The following PRKCE variants were observed in gnomAD, a reference collection of about 807,000 sequenced individuals.
The protein encoded by PRKCE is protein kinase C epsilon, also known as protein kinase C epsilon type.
Under a neutral mutation model 85.4 loss-of-function variants are expected in PRKCE, and 16 were observed. The ratio of observed to expected loss-of-function variants is 0.19; its 90% CI spans 0.13 to 0.28. PRKCE has a LOEUF of 0.28. Ranked by LOEUF, PRKCE falls within the 10% of genes least tolerant of loss-of-function variation. The pLI, the probability that PRKCE is intolerant of heterozygous loss-of-function variation, is 1.00. For synonymous variants in PRKCE, 388 were observed against 371.5 expected (o/e 1.04, Z -0.51); for missense variants, 573 against 975.2 (o/e 0.59, Z 5.49).
chr2:46,184,261 G>A lies in PRKCE; in HGVS notation c.2068-474G>A, dbSNP rs959526728. ...TAAGTGGAAATCGAGGCAGGCTTGT[G>A]GAGAGGATGTCACCTGGAGCAGATG... is the stretch of plus-strand genomic sequence containing the variant. On this transcript the variant is annotated intron_variant, in intron 14 of 14. Coordinates refer to ENST00000306156, the MANE Select transcript of PRKCE (RefSeq NM_005400.3). The surrounding 1 kb of genome is among the most constrained non-coding windows in gnomAD (Gnocchi z 5.0). 1.3e-5 allele frequency among the ~76,000 whole-genome samples: 2 copies of A among 152,160 alleles called. No homozygotes were observed. Among genetic ancestry groups the A allele is most frequent in the African/African-American group, 4.8e-5 (2 of 41,410 alleles).
At chr2:46,123,296 T>C (rs10211649) in intron 11 of PRKCE, among the ~76,000 whole-genome samples, 3,030 of 128,916 alleles carry the variant, frequency 0.024, 107 homozygotes, top group African/African-American at 0.075. Flanking sequence ...GCAAAGCACA[T>C]GCTTTAATAT....
intron 10 of PRKCE, among the ~76,000 whole-genome samples, chr2:46,029,121 G>A (rs1183437699): frequency 2.6e-5 from 4 of 152,098 alleles, no homozygotes; most frequent in African/African-American, 4.8e-5. Context: ...ATGTTCTTAT[G>A]GCACTTACTA....
intron 2 of PRKCE, among the ~76,000 whole-genome samples, chr2:45,884,451 C>T (rs1695095746): frequency 6.6e-6 from 1 of 152,162 alleles, no homozygotes; most frequent in Non-Finnish European, 1.5e-5. Context: ...TTCTGCAATC[C>T]TTGTGGTCTT....
At chr2:46,007,017 T>G (rs143666497) in intron 8 of PRKCE, among the ~76,000 whole-genome samples, 71 of 152,356 alleles carry the variant, frequency 4.7e-4, no homozygotes, top group African/African-American at 1.7e-3. Context: ...GTTGTTGAAA[T>G]AATTATATCA....
chr2:45,734,681 G>A (rs1051092860), intron 1 of PRKCE, among the ~76,000 whole-genome samples: 11 of 152,226 alleles, frequency 7.2e-5, no homozygotes, highest in African/African-American at 2.7e-4. Flanking sequence ...GAGCCTGAGT[G>A]TAGGGGTGGA....
At chr2:45,735,950 T>C (rs1385075207) in intron 1 of PRKCE, among the ~76,000 whole-genome samples, 1 of 152,206 alleles carries the variant, frequency 6.6e-6, no homozygotes, top group Non-Finnish European at 1.5e-5. Flanking sequence ...TTTTTTACCA[T>C]CTGACATACA....
chr2:45,912,155 G>A (rs1253856208), intron 2 of PRKCE, among the ~76,000 whole-genome samples: 3 of 152,088 alleles, frequency 2.0e-5, no homozygotes, highest in Non-Finnish European at 2.9e-5. Context: ...TACCAGGAAC[G>A]ATGGCAACCA....
At chr2:46,147,286 A>G (rs968714851) in intron 12 of PRKCE, among the ~76,000 whole-genome samples, 1 of 152,162 alleles carries the variant, frequency 6.6e-6, no homozygotes, top group Non-Finnish European at 1.5e-5. Context: ...TTCATTCTTC[A>G]TTGTCAGAAT....
intron 1 of PRKCE, among the ~76,000 whole-genome samples, chr2:45,816,462 T>G (rs573682069): frequency 6.6e-6 from 1 of 152,298 alleles, no homozygotes; most frequent in South Asian, 2.1e-4. Flanking sequence ...GTGGATAACT[T>G]GGCACCTCAC....
chr2:45,693,735 G>T (rs1012255739), intron 1 of PRKCE, among the ~76,000 whole-genome samples: 1 of 152,172 alleles, frequency 6.6e-6, no homozygotes, highest in African/African-American at 2.4e-5. Context: ...GGCAGTCGGG[G>T]TGGACCGTCA....
chr2:46,035,223 C>G (rs544219388), intron 10 of PRKCE, among the ~76,000 whole-genome samples: 1 of 152,360 alleles, frequency 6.6e-6, no homozygotes, highest in African/African-American at 2.4e-5. Context: ...GCTCATGACA[C>G]CACACTTCAG....
At chr2:45,760,327 G>A (rs923133947) in intron 1 of PRKCE, among the ~76,000 whole-genome samples, 6 of 152,168 alleles carry the variant, frequency 3.9e-5, no homozygotes, top group African/African-American at 1.4e-4. Context: ...ACTGGATTTG[G>A]TTTTGCACTT....
chr2:45,796,696 G>A (rs912363645), intron 1 of PRKCE, among the ~76,000 whole-genome samples: 9 of 152,172 alleles, frequency 5.9e-5, no homozygotes, highest in African/African-American at 2.2e-4. Context: ...AAACAAGGGT[G>A]AGCCATCATT....
At chr2:45,767,802 T>C (rs1685029948) in intron 1 of PRKCE, among the ~76,000 whole-genome samples, 1 of 152,258 alleles carries the variant, frequency 6.6e-6, no homozygotes, top group Non-Finnish European at 1.5e-5. Context: ...TAGGGCTTTA[T>C]TTTAGGAATT....
intron 1 of PRKCE, among the ~76,000 whole-genome samples, chr2:45,737,236 C>G (rs773156431): frequency 8.5e-5 from 13 of 152,194 alleles, no homozygotes; most frequent in African/African-American, 3.1e-4. Context: ...AGCGAGCGAG[C>G]AAGCATGAAT....
In PRKCE at chr2:46,145,861, C is replaced by T. The variant is rs186423788; in HGVS notation, c.1731+630C>T. Among the ~76,000 whole-genome samples, 1 of 152,160 alleles carries T rather than the reference C, an allele frequency of 6.6e-6. No individual in the cohort carries two copies. Among genetic ancestry groups the T allele is most frequent in the Admixed American group, 6.5e-5 (1 of 15,294 alleles). On this transcript the variant is annotated intron_variant, in intron 12 of 14. Coordinates refer to ENST00000306156, the MANE Select transcript of PRKCE (RefSeq NM_005400.3). The surrounding 1 kb of genome is among the most constrained non-coding windows in gnomAD (Gnocchi z 4.6). ...CCAGCCTGGGTGACAGAGCAAGACC[C>T]TGTCTCAATAAAAAAAAAAGTAAAA...
chr2:45,718,004 C>G (rs528729130), intron 1 of PRKCE, among the ~76,000 whole-genome samples: 1 of 152,170 alleles, frequency 6.6e-6, no homozygotes, highest in African/African-American at 2.4e-5. Context: ...TATAAGAATC[C>G]TTGTAGATAC....
chr2:45,899,574 G>C (rs1696418458), intron 2 of PRKCE, among the ~76,000 whole-genome samples: 1 of 151,984 alleles, frequency 6.6e-6, no homozygotes, highest in South Asian at 2.1e-4. Flanking sequence ...GTAGAGACGG[G>C]GCTTTGCCAT....
intron 10 of PRKCE, among the ~76,000 whole-genome samples, chr2:46,080,375 C>T (rs1252773425): frequency 6.6e-6 from 1 of 152,116 alleles, no homozygotes; most frequent in Admixed American, 6.5e-5. Flanking sequence ...GAACATGGAG[C>T]TTTGTTGAGT....
Sources: allele counts gnomAD v4.1 joint callset (sites outside exome capture counted in the v4.1 genomes callset), GRCh38; gene constraint gnomAD v4.1.1; non-coding constraint Gnocchi (gnomAD v3.1); transcripts MANE v1.5; gene names NCBI Gene and HGNC (gene_info 2026-07-23, HGNC 2026-07-21).